Variants in FBXL5 observed in about 807,000 individuals in gnomAD.
FBXL5 encodes F-box/LRR-repeat protein 5.
FBXL5 carries 26 observed loss-of-function variants against 78.3 expected under a neutral mutation model. The observed-to-expected ratio is 0.33, with a 90% CI of 0.24 to 0.46. The LOEUF is 0.46. Among genes scored for constraint, FBXL5 ranks in the 20% least tolerant of loss-of-function variants. FBXL5 has a pLI of 1.00. For missense variants in FBXL5, 710 were observed against 829.2 expected (o/e 0.86, Z 1.77); for synonymous variants, 295 against 282.5 (o/e 1.04, Z -0.45).
At chr4:15,649,112 T>C (rs987778079) in intron 1 of FBXL5, among the ~76,000 whole-genome samples, 2 of 151,920 alleles carry the variant, frequency 1.3e-5, no homozygotes, top group Non-Finnish European at 2.9e-5. Flanking sequence ...AAGATTTTTA[T>C]CTATATTAAA....
At chr4:15,627,585 A>T (rs951019695) in intron 7 of FBXL5, among the ~76,000 whole-genome samples, 1 of 152,146 alleles carries the variant, frequency 6.6e-6, no homozygotes, top group Non-Finnish European at 1.5e-5. Context: ...CATATTATTT[A>T]AAAAATCACA....
intron 5 of FBXL5, among the ~76,000 whole-genome samples, chr4:15,632,378 G>A (rs917549723): frequency 5.1e-4 from 78 of 152,122 alleles, no homozygotes; most frequent in Non-Finnish European, 9.1e-4. Context: ...TTTGGCTTAG[G>A]ATTGTCTTGG....
At chr4:15,623,908 C>T (rs1484565278) in intron 9 of FBXL5, among the ~76,000 whole-genome samples, 1 of 151,914 alleles carries the variant, frequency 6.6e-6, no homozygotes, top group Non-Finnish European at 1.5e-5. Context: ...CTGCAAGCTC[C>T]GTCTCCCGGG....
At position 15,654,909 on chromosome 4, in the gene FBXL5, C is replaced by A. The variant is rs1716662263; in HGVS notation, c.84+295G>T. Among the ~76,000 whole-genome samples, 4 of 152,182 alleles carry A rather than the reference C, an allele frequency of 2.6e-5. No homozygotes were observed. In the South Asian group the frequency reaches 8.3e-4, roughly 31 times the overall value. ...AGTCCCAGCGCGGCGGTGGGGCCGG[C>A]CCGAGGGCGGCCAGTGACGCCGGTA... On this transcript the variant is annotated intron_variant, in intron 1 of 10. Transcript: ENST00000341285.
rs781198999 is a variant in FBXL5, at chr4:15,625,655, C to G, written c.1447G>C (p.Asp483His). Residue 483 changes from aspartate to histidine, a missense_variant, in exon 9 of 11, where the codon GAT (aspartate) becomes CAT (histidine). This residue lies in a region of FBXL5 where 517 missense variants were observed against 542.9 expected (regional missense o/e 0.95). Transcript: ENST00000341285. ...TCAATATCAGCCAAATCTTCAGCAT[C>G]TAACATCCACACATAAGGAGAAGTG... Reference protein sequence around the residue: ...NFTSPYVWMLDAEDLADIEDT... With the variant: ...NFTSPYVWMLHAEDLADIEDT... 2.5e-6 allele frequency: 4 copies of G among 1,614,232 alleles called. No individual in the cohort carries two copies. The highest frequency in any genetic ancestry group is 1.7e-5 in the Admixed American group (1 of 60,024).
intron 10 of FBXL5, among the ~76,000 whole-genome samples, chr4:15,609,882 T>C (rs919235211): frequency 2.0e-5 from 3 of 152,038 alleles, no homozygotes; most frequent in Non-Finnish European, 2.9e-5. Flanking sequence ...GCTTGGAAAA[T>C]AGATCATTCT....
At chr4:15,607,599 TATA>T (rs1166523353) in intron 10 of FBXL5, among the ~76,000 whole-genome samples, 2 of 152,162 alleles carry the variant, frequency 1.3e-5, no homozygotes, top group African/African-American at 2.4e-5. Context: ...TTCCTTTGAA[TATA>T]ATGCCAGCTT....
chr4:15,615,552 A>G (rs1416168234), intron 9 of FBXL5, among the ~76,000 whole-genome samples: 2 of 149,686 alleles, frequency 1.3e-5, no homozygotes, highest in Non-Finnish European at 1.5e-5. Flanking sequence ...TTGTAAATAC[A>G]CCAATCGGCA....
chr4:15,644,779 A>G, intron 1 of FBXL5, 71 bp from the exon 2 acceptor site: 1 of 1,103,402 alleles, frequency 9.1e-7, no homozygotes, highest in Non-Finnish European at 1.3e-6. Context: ...ATATTCAAAT[A>G]CATCCCTATT....
At chr4:15,616,561 T>G (rs918116569) in intron 9 of FBXL5, among the ~76,000 whole-genome samples, 9 of 152,192 alleles carry the variant, frequency 5.9e-5, no homozygotes, top group Non-Finnish European at 1.2e-4. Context: ...TTCCCTCAGA[T>G]TCTGTCCAGG....
chr4:15,611,183 G>A (rs1722235647), intron 10 of FBXL5, among the ~76,000 whole-genome samples: 1 of 152,096 alleles, frequency 6.6e-6, no homozygotes, highest in Non-Finnish European at 1.5e-5. Context: ...CAAGAACATG[G>A]GAGGTCATCT....
At chr4:15,679,098 C>G (rs1011027306) in intron 1 of FBXL5, among the ~76,000 whole-genome samples, 6 of 142,316 alleles carry the variant, frequency 4.2e-5, no homozygotes, top group Non-Finnish European at 9.0e-5. Context: ...CGGAGTCTCA[C>G]TCTCACCAGG....
chr4:15,626,919 G>A lies in FBXL5; in HGVS notation c.1078C>T (p.His360Tyr). The A allele has an allele frequency of 6.2e-7, 1 of 1,612,212 alleles. No homozygotes were observed. The highest frequency in any genetic ancestry group is 1.3e-5 in the African/African-American group (1 of 74,992). ...QILELCPNLE[H>Y]LDLTQTDISD... ...ATGTCAGTCTGGGTAAGATCCAGAT[G>A]CTCCAGGTTAGGACAAAGCTCTAAA... The change falls in exon 8 of 11, where the codon CAT becomes TAT. Residue 360 changes from histidine to tyrosine, a missense_variant. Physicochemically the swap from His to Tyr is moderately conservative, Grantham distance 83 (BLOSUM62 2). Transcript: ENST00000341285.
intron 5 of FBXL5, among the ~76,000 whole-genome samples, chr4:15,631,943 C>T (rs904849147): frequency 2.6e-5 from 4 of 152,082 alleles, no homozygotes; most frequent in African/African-American, 4.8e-5. Flanking sequence ...GTCAATATTG[C>T]CTTTTGTTGC....
chr4:15,629,792 T>TA (rs1376293005), intron 6 of FBXL5, among the ~76,000 whole-genome samples: 6 of 152,188 alleles, frequency 3.9e-5, no homozygotes, highest in African/African-American at 1.4e-4. Context: ...TCTTTATACT[T>TA]ACACTGTTAC....
chr4:15,633,258 C>A (rs181140876), intron 5 of FBXL5, among the ~76,000 whole-genome samples: 2 of 152,176 alleles, frequency 1.3e-5, no homozygotes, highest in Non-Finnish European at 2.9e-5. Context: ...TATGTATCTA[C>A]TTTCTATACA....
At chr4:15,619,026 C>T (rs369244402) in intron 9 of FBXL5, among the ~76,000 whole-genome samples, 6 of 152,034 alleles carry the variant, frequency 3.9e-5, no homozygotes, top group East Asian at 1.9e-4. Context: ...TGGTAGCACA[C>T]GCCTGTGGTC....
intron 5 of FBXL5, 189 bp downstream of exon 5, chr4:15,636,305 T>TTA (rs1384069441): frequency 8.7e-6 from 4 of 457,872 alleles, no homozygotes; most frequent in Non-Finnish European, 1.5e-5. Context: ...ACAGACATCA[T>TTA]TATAATTTAC....
chr4:15,667,304 G>C (rs535597847), intron 1 of FBXL5, among the ~76,000 whole-genome samples: 4 of 152,152 alleles, frequency 2.6e-5, no homozygotes, highest in African/African-American at 9.6e-5. Flanking sequence ...ATATGATATA[G>C]GCACTCAACA....
Sources: gnomAD v4.1 joint callset for allele counts (sites outside exome capture counted in the v4.1 genomes callset) on GRCh38, gnomAD v4.1.1 for gene constraint, gnomAD v4.1.1 regional missense constraint, MANE v1.5 for transcripts, NCBI Gene and HGNC (gene_info 2026-07-23, HGNC 2026-07-21) for gene names.